The following VWA8 variants were observed in gnomAD, a reference collection of about 807,000 sequenced individuals.
VWA8 encodes the protein von Willebrand factor A domain containing 8.
In VWA8, 221 loss-of-function variants were observed where a neutral mutation model predicts 241.5. The ratio of observed to expected loss-of-function variants is 0.91; its 90% CI spans 0.82 to 1.02. VWA8 has a LOEUF of 1.02. VWA8 is among the 50% of genes least tolerant of loss of function. The probability of loss-of-function intolerance (pLI) is 0.00; values close to 1 mark genes in which losing one functional copy is unlikely to be tolerated. For missense variants in VWA8, 2,322 were observed against 2,328.7 expected, an observed-to-expected ratio of 1.00 and a Z score of 0.06; for synonymous variants, 852 against 827.1, an observed-to-expected ratio of 1.03 and a Z score of -0.52.
chr13:41,583,642 C>CAAAA (rs935505646), intron 42 of VWA8, among the ~76,000 whole-genome samples: 110 of 40,012 alleles, frequency 2.7e-3, no homozygotes, highest in Non-Finnish European at 3.4e-3. Flanking sequence ...GACTCCATCT[C>CAAAA]AAAAAAAAAA....
intron 26 of VWA8, among the ~76,000 whole-genome samples, chr13:41,716,355 A>G (rs552444944): frequency 6.6e-6 from 1 of 152,206 alleles, no homozygotes; most frequent in East Asian, 1.9e-4. Flanking sequence ...GAAACCTGTG[A>G]GATAGATAAC....
At chr13:41,579,880 C>T (rs2044371514) in intron 42 of VWA8, among the ~76,000 whole-genome samples, 4 of 152,156 alleles carry the variant, frequency 2.6e-5, no homozygotes, top group South Asian at 2.1e-4. Context: ...CAGGGTCTTG[C>T]TCATTGGCCA....
At chr13:41,678,878 G>A (rs534806219) in intron 35 of VWA8, among the ~76,000 whole-genome samples, 10 of 152,154 alleles carry the variant, frequency 6.6e-5, no homozygotes, top group Non-Finnish European at 1.3e-4. Context: ...TAGTAAAGGT[G>A]GTGGTAGTGG....
intron 37 of VWA8, among the ~76,000 whole-genome samples, chr13:41,649,530 C>T (rs1205097198): frequency 3.3e-5 from 5 of 150,140 alleles, no homozygotes; most frequent in African/African-American, 9.9e-5. Flanking sequence ...AGTTTTACTT[C>T]GTGTTTCTTT....
At chr13:41,910,474 A>G (rs1277968317) in intron 3 of VWA8, among the ~76,000 whole-genome samples, 1 of 151,892 alleles carries the variant, frequency 6.6e-6, no homozygotes, top group Non-Finnish European at 1.5e-5. Context: ...AGTCCCAGCT[A>G]ATGAGAAGCT....
At chr13:41,660,876 TTTC>T (rs1230374514) in intron 37 of VWA8, among the ~76,000 whole-genome samples, 1 of 151,718 alleles carries the variant, frequency 6.6e-6, no homozygotes, top group African/African-American at 2.4e-5. Context: ...GAGAATTGGG[TTTC>T]TTTTTTTTTT....
intron 26 of VWA8, among the ~76,000 whole-genome samples, chr13:41,708,766 C>A (rs2045298571): frequency 6.6e-6 from 1 of 152,148 alleles, no homozygotes; most frequent in African/African-American, 2.4e-5. Flanking sequence ...GCAGGCACTT[C>A]TCAAATATAC....
intron 21 of VWA8, among the ~76,000 whole-genome samples, chr13:41,749,260 AT>A (rs1218451924): frequency 6.6e-6 from 1 of 152,270 alleles, no homozygotes; most frequent in Non-Finnish European, 1.5e-5. Flanking sequence ...AAAAGTGCTC[AT>A]CATCACTGGC....
intron 1 of VWA8, among the ~76,000 whole-genome samples, chr13:41,954,901 A>G (rs1448317434): frequency 2.6e-5 from 4 of 152,230 alleles, no homozygotes; most frequent in Non-Finnish European, 4.4e-5. Context: ...AAAGGGATAC[A>G]TATTTTTAAA....
chr13:41,729,594 AG>A lies in VWA8; in HGVS notation c.2585del (p.Thr862IlefsTer2). 1 of 1,613,242 alleles carries A rather than the reference AG, an allele frequency of 6.2e-7. No individual in the cohort carries two copies. The highest frequency in any genetic ancestry group is 8.5e-7 in the Non-Finnish European group (1 of 1,179,550). On this transcript the variant is annotated frameshift_variant, in exon 23 of 45. Coordinates refer to ENST00000379310, the MANE Select transcript of VWA8 (RefSeq NM_015058.2). LOFTEE classifies it high-confidence loss of function. The stretch of plus-strand genomic sequence containing the variant: ...GAATCATTTCTCCATTTTCTACTAG[AG>A]TTTTTAAAATACACGTGACATTTGT... ...APTNVTCILK[T>X]LVENGEMILA... is the part of the protein sequence containing the mutation.
At chr13:41,947,226 T>C (rs978038598) in intron 2 of VWA8, among the ~76,000 whole-genome samples, 2 of 152,180 alleles carry the variant, frequency 1.3e-5, no homozygotes, top group African/African-American at 4.8e-5. Flanking sequence ...ACACATATCA[T>C]TGATTTATTT....
chr13:41,758,645 G>C (rs893445135), intron 21 of VWA8, among the ~76,000 whole-genome samples: 14 of 149,664 alleles, frequency 9.4e-5, no homozygotes, highest in Non-Finnish European at 1.6e-4. Context: ...TCATGCAATT[G>C]TGTCATCTAT....
chr13:41,939,302 G>C (rs930427207), intron 2 of VWA8, among the ~76,000 whole-genome samples: 12 of 152,174 alleles, frequency 7.9e-5, no homozygotes, highest in African/African-American at 2.9e-4. Context: ...AAGCACAAAA[G>C]CATGAAAGAA....
intron 19 of VWA8, among the ~76,000 whole-genome samples, chr13:41,780,490 CCCT>C (rs1311760270): frequency 6.6e-6 from 1 of 152,106 alleles, no homozygotes; most frequent in African/African-American, 2.4e-5. Flanking sequence ...CATCACCCTG[CCCT>C]CCTTATTCCT....
At chr13:41,821,398 A>C (rs1870952533) in intron 14 of VWA8, among the ~76,000 whole-genome samples, 1 of 152,116 alleles carries the variant, frequency 6.6e-6, no homozygotes, top group Non-Finnish European at 1.5e-5. Context: ...TTCTCCCTAA[A>C]GGCTTCCTTA....
At chr13:41,638,094 A>G (rs1422069973) in intron 37 of VWA8, among the ~76,000 whole-genome samples, 1 of 152,174 alleles carries the variant, frequency 6.6e-6, no homozygotes, top group Non-Finnish European at 1.5e-5. Flanking sequence ...GTGACTCTAA[A>G]AAAATCCTTA....
At chr13:41,905,196 T>C (rs559893209) in intron 4 of VWA8, 221 of 152,148 alleles carry the variant, frequency 1.5e-3, no homozygotes, top group African/African-American at 5.0e-3. Context: ...AAGGATGACA[T>C]GCAAATTCAT....
chr13:41,842,974 G>A (rs1872127733), intron 12 of VWA8, among the ~76,000 whole-genome samples: 1 of 152,088 alleles, frequency 6.6e-6, no homozygotes, highest in Admixed American at 6.6e-5. Flanking sequence ...TTCCTTACTG[G>A]GTAAAATGTA....
Position 41,582,921 on chromosome 13 carries a change from C to T in VWA8, c.5271+4591G>A, listed in dbSNP as rs57302342. 2.6e-4 allele frequency among the ~76,000 whole-genome samples: 39 copies of T among 152,274 alleles called. No homozygotes were observed. In the East Asian group the frequency reaches 5.8e-3, roughly 23 times the overall value. On this transcript the variant is annotated intron_variant, in intron 42 of 44. Coordinates refer to ENST00000379310, the MANE Select transcript of VWA8 (RefSeq NM_015058.2). Reference sequence around the variant, plus strand: ...TTTATACCTGTTACACTTTCTGCTGCGTGCACCAATCACCTATATACCCCC... The same window carrying T: ...TTTATACCTGTTACACTTTCTGCTGTGTGCACCAATCACCTATATACCCCC...
Sources: gnomAD v4.1 joint callset for allele counts (sites outside exome capture counted in the v4.1 genomes callset) on GRCh38, gnomAD v4.1.1 for gene constraint, MANE v1.5 for transcripts, NCBI Gene and HGNC (gene_info 2026-07-23, HGNC 2026-07-21) for gene names.